The following SPRING1 variants were observed in gnomAD, a reference collection of about 807,000 sequenced individuals.
SPRING1 encodes the protein SREBP regulating gene protein.
In SPRING1, 14 loss-of-function variants were observed where a neutral mutation model predicts 24.7. That is an observed-to-expected ratio of 0.57 (90% CI 0.37 to 0.88). SPRING1 has a LOEUF of 0.88. SPRING1 is among the 40% of genes least tolerant of loss of function. SPRING1 has a pLI of 0.00. For synonymous variants in SPRING1, 93 were observed against 106.1 expected (o/e 0.88, Z 0.76); for missense variants, 255 against 268.4 (o/e 0.95, Z 0.35).
At chr12:116,732,443 C>T in intron 1 of SPRING1, among the ~76,000 whole-genome samples, 1 of 152,154 alleles carries the variant, frequency 6.6e-6, no homozygotes, top group East Asian at 1.9e-4. Flanking sequence ...CGCACTGGCT[C>T]ATGCCTGTAA....
Position 116,714,621 on chromosome 12 carries a change from C to T in SPRING1, c.*3189G>A, listed in dbSNP as rs1870025702. 6.6e-6 allele frequency: 1 copy of T among 152,188 alleles called. No individual in the cohort carries two copies. Among genetic ancestry groups the T allele is most frequent in the South Asian group, 2.1e-4 (1 of 4,816 alleles). The allele number at this position is 152,188 out of a possible 1,614,324, so 9.4% of individuals were successfully genotyped here. A position where few individuals can be genotyped will look rare whatever the true frequency, so the allele number is the denominator to read the frequency against. On this transcript the variant is annotated 3_prime_UTR_variant, in exon 5 of 5. Transcript: ENST00000261318. ...CCAGCCTGGCCAACATGGTGAAACC[C>T]CGTCTCTACTAAAAGTACAAAAACT... is the stretch of plus-strand genomic sequence containing the variant.
intron 1 of SPRING1, among the ~76,000 whole-genome samples, chr12:116,724,626 G>A (rs915808210): frequency 2.0e-5 from 3 of 151,610 alleles, no homozygotes; most frequent in African/African-American, 4.9e-5. Context: ...GCAGTGAGCC[G>A]AGATCACACC....
At chr12:116,719,220 T>C (rs1022113164) in intron 4 of SPRING1, among the ~76,000 whole-genome samples, 13 of 152,238 alleles carry the variant, frequency 8.5e-5, no homozygotes, top group African/African-American at 2.7e-4. Context: ...GGTGCAATAA[T>C]ATTTAATGCC....
Position 116,711,578 on chromosome 12 carries a change from C to T in SPRING1, c.*6232G>A, listed in dbSNP as rs1346400894. Reference sequence around the variant, plus strand: ...AGATGTGACCAACATAGCCTGGAATCTTAAATTACTGATAATGGTGATTTC... The same window carrying T: ...AGATGTGACCAACATAGCCTGGAATTTTAAATTACTGATAATGGTGATTTC... On this transcript the variant is annotated 3_prime_UTR_variant, in exon 5 of 5. Coordinates refer to ENST00000261318, the MANE Select transcript of SPRING1 (RefSeq NM_024738.4). The T allele has an allele frequency of 6.6e-6, 1 of 152,152 alleles. No homozygotes were observed. The highest frequency in any genetic ancestry group is 6.6e-5 in the Admixed American group (1 of 15,264). The allele number at this position is 152,152 out of a possible 1,614,324, so 9.4% of individuals were successfully genotyped here.
chr12:116,729,735 G>C (rs1275352953), intron 1 of SPRING1, among the ~76,000 whole-genome samples: 1 of 152,104 alleles, frequency 6.6e-6, no homozygotes, highest in Non-Finnish European at 1.5e-5. Flanking sequence ...ACATATTATA[G>C]AATGCCAATT....
At position 116,728,305 on chromosome 12, in the gene SPRING1, G is replaced by T. The variant is rs1266750843; in HGVS notation, c.112-5082C>A. ...TATCTCTCCTCCTTACCCGCTAGTG[G>T]AATATAGGCTCTTGGAGGGGAGAGA... On this transcript the variant is annotated intron_variant, in intron 1 of 4. Transcript: ENST00000261318. The surrounding 1 kb of genome is among the most constrained non-coding windows in gnomAD (Gnocchi z 4.2). Among the ~76,000 whole-genome samples the T allele has an allele frequency of 6.6e-6, 1 of 152,106 alleles. No individual in the cohort carries two copies. The highest frequency in any genetic ancestry group is 1.9e-4 in the East Asian group (1 of 5,198).
At chr12:116,732,102 G>A (rs926504748) in intron 1 of SPRING1, among the ~76,000 whole-genome samples, 2 of 152,214 alleles carry the variant, frequency 1.3e-5, no homozygotes, top group African/African-American at 2.4e-5. Flanking sequence ...AGGACATAAT[G>A]AGTCACTGAG....
In SPRING1 at chr12:116,713,529, G is replaced by T. The variant is rs1361592017; in HGVS notation, c.*4281C>A. ...AAATAATATCACAGGGTTACCAGGG[G>T]TATGACAAAAATGGACACTTCCATA... On this transcript the variant is annotated 3_prime_UTR_variant, in exon 5 of 5. Transcript: ENST00000261318. 2 of 152,258 alleles carry T rather than the reference G, an allele frequency of 1.3e-5. No individual in the cohort carries two copies. Among genetic ancestry groups the T allele is most frequent in the Admixed American group, 6.5e-5 (1 of 15,306 alleles). The allele number at this position is 152,258 out of a possible 1,614,324, so 9.4% of individuals were successfully genotyped here.
Position 116,714,275 on chromosome 12 carries a change from G to T in SPRING1, c.*3535C>A, listed in dbSNP as rs1448967680. On this transcript the variant is annotated 3_prime_UTR_variant, in exon 5 of 5. Coordinates refer to ENST00000261318, the MANE Select transcript of SPRING1 (RefSeq NM_024738.4). ...TTATGAAAAGTATATCCAATAAGCA[G>T]TACCTCCCTGTGTTTACAACTTATC... 1 of 152,198 alleles carries T rather than the reference G, an allele frequency of 6.6e-6. No individual in the cohort carries two copies. The highest frequency in any genetic ancestry group is 1.9e-4 in the East Asian group (1 of 5,192). The allele number at this position is 152,198 out of a possible 1,614,324, so 9.4% of individuals were successfully genotyped here.
chr12:116,719,093 A>G (rs1185510373), intron 4 of SPRING1, among the ~76,000 whole-genome samples: 9 of 152,224 alleles, frequency 5.9e-5, no homozygotes, highest in Non-Finnish European at 1.2e-4. Context: ...GTGCTTGTAT[A>G]ATAAACACGT....
rs545705383 is a variant in SPRING1, at chr12:116,728,612, G to A, written c.112-5389C>T. ...AACTATTCTCCAGGCAAAAGCTGCC[G>A]CATCTGCGCCATGAGTTTCCAGTCT... On this transcript the variant is annotated intron_variant, in intron 1 of 4. Coordinates refer to ENST00000261318, the MANE Select transcript of SPRING1 (RefSeq NM_024738.4). The surrounding 1 kb of genome is among the most constrained non-coding windows in gnomAD (Gnocchi z 4.2). Among the ~76,000 whole-genome samples the A allele has an allele frequency of 5.2e-4, 79 of 152,328 alleles. No homozygotes were observed. The highest frequency in any genetic ancestry group is 1.0e-3 in the African/African-American group (43 of 41,566).
At chr12:116,729,499 T>C (rs1757017709) in intron 1 of SPRING1, among the ~76,000 whole-genome samples, 1 of 152,224 alleles carries the variant, frequency 6.6e-6, no homozygotes, top group Non-Finnish European at 1.5e-5. Flanking sequence ...AATTAAAACA[T>C]GTCCACATGA....
rs890791767 is a variant in SPRING1 at position 116,710,260 on chromosome 12, G to C, written c.*7550C>G. The stretch of plus-strand genomic sequence containing the variant: ...TTTATATACAAAATACAGGCAAAAC[G>C]CTCCAGCGGAACTTTAATTAGTGGT... On this transcript the variant is annotated 3_prime_UTR_variant, in exon 5 of 5. Transcript: ENST00000261318. 1 of 152,178 alleles carries C rather than the reference G, an allele frequency of 6.6e-6. No individual in the cohort carries two copies. Among genetic ancestry groups the C allele is most frequent in the Non-Finnish European group, 1.5e-5 (1 of 68,038 alleles). 9.4% of individuals were successfully genotyped at this position (152,178 alleles called of 1,614,324 possible). A position where few individuals can be genotyped will look rare whatever the true frequency, so the allele number is the denominator to read the frequency against.
chr12:116,712,215 TCTGCA>T lies in SPRING1; in HGVS notation c.*5590_*5594del, dbSNP rs1869901646. On this transcript the variant is annotated 3_prime_UTR_variant, in exon 5 of 5. Coordinates refer to ENST00000261318, the MANE Select transcript of SPRING1 (RefSeq NM_024738.4). Reference sequence around the variant, plus strand: ...AGTCATTCTCTTTACTACATTAAAGTCTGCACTTTCATTTTACAGACAGTCCTACA... The same window carrying T: ...AGTCATTCTCTTTACTACATTAAAGTCTTTCATTTTACAGACAGTCCTACA... The T allele has an allele frequency of 6.6e-6, 1 of 152,234 alleles. No homozygotes were observed. Among genetic ancestry groups the T allele is most frequent in the Admixed American group, 6.5e-5 (1 of 15,282 alleles). The allele number at this position is 152,234 out of a possible 1,614,324, so 9.4% of individuals were successfully genotyped here.
chr12:116,719,065 A>G (rs1309286462), intron 4 of SPRING1, among the ~76,000 whole-genome samples: 1 of 152,224 alleles, frequency 6.6e-6, no homozygotes, highest in Non-Finnish European at 1.5e-5. Context: ...GACACCATGA[A>G]TAGGAGCCAG....
In SPRING1 at chr12:116,725,102, T is replaced by C. The variant is rs550859016; in HGVS notation, c.112-1879A>G. On this transcript the variant is annotated intron_variant, in intron 1 of 4. Transcript: ENST00000261318. ...GATAATGGTATGGAAAGATATACAG[T>C]AGTCTCTCTTACCCATGGTTTTACT... Among the ~76,000 whole-genome samples, 14 of 152,318 alleles carry C rather than the reference T, an allele frequency of 9.2e-5. No homozygotes were observed. In the South Asian group the frequency reaches 1.7e-3, roughly 18 times the overall value.
intron 4 of SPRING1, among the ~76,000 whole-genome samples, chr12:116,719,291 G>T (rs1870304606): frequency 6.7e-6 from 1 of 149,228 alleles, no homozygotes; most frequent in South Asian, 2.4e-4. Flanking sequence ...ACAGCCTACA[G>T]ATTTATTCGT....
intron 1 of SPRING1, among the ~76,000 whole-genome samples, chr12:116,732,551 T>C (rs1871028101): frequency 6.6e-6 from 1 of 151,986 alleles, no homozygotes; most frequent in Non-Finnish European, 1.5e-5. Context: ...CTACTAAAAA[T>C]ACAAAATTAG....
chr12:116,712,085 G>A lies in SPRING1; in HGVS notation c.*5725C>T, dbSNP rs902278807. The A allele has an allele frequency of 1.3e-5, 2 of 152,188 alleles. No individual in the cohort carries two copies. Among genetic ancestry groups the A allele is most frequent in the Non-Finnish European group, 2.9e-5 (2 of 68,044 alleles). 9.4% of individuals were successfully genotyped at this position (152,188 alleles called of 1,614,324 possible). On this transcript the variant is annotated 3_prime_UTR_variant, in exon 5 of 5. Transcript: ENST00000261318. ...ACATTTCTGGTAGTGATATGTCTTG[G>A]TCCCTCTGGTCTCACAGAATGTGTA...
Sources: allele counts gnomAD v4.1 joint callset (sites outside exome capture counted in the v4.1 genomes callset), GRCh38; gene constraint gnomAD v4.1.1; non-coding constraint Gnocchi (gnomAD v3.1); transcripts MANE v1.5; gene names NCBI Gene and HGNC (gene_info 2026-07-23, HGNC 2026-07-21).